SNAP25: variants seen among roughly 807,000 people sequenced by gnomAD.
SNAP25 encodes synaptosomal-associated protein 25.
In SNAP25, 3 loss-of-function variants were observed where a neutral mutation model predicts 28.7. The ratio of observed to expected loss-of-function variants is 0.10; its 90% CI spans 0.05 to 0.27. The LOEUF is 0.27. Ranked by LOEUF, SNAP25 falls within the 10% of genes least tolerant of loss-of-function variation. The probability of loss-of-function intolerance (pLI) is 1.00; values close to 1 mark genes in which losing one functional copy is unlikely to be tolerated. For missense variants in SNAP25, 117 were observed against 278.7 expected, an observed-to-expected ratio of 0.42 and a Z score of 4.13; for synonymous variants, 61 against 88.1, an observed-to-expected ratio of 0.69 and a Z score of 1.72.
chr20:10,237,507 C>G (rs363031), intron 1 of SNAP25, among the ~76,000 whole-genome samples: 135,565 of 152,146 alleles, frequency 0.89, 60,451 homozygotes, highest in Middle Eastern at 0.95. Context: ...AGAATTTTGC[C>G]AACTGTTATC....
intron 5 of SNAP25, among the ~76,000 whole-genome samples, chr20:10,295,717 A>G (rs990910145): frequency 2.6e-5 from 4 of 152,224 alleles, no homozygotes; most frequent in African/African-American, 9.7e-5. Context: ...GGGACCAAAG[A>G]ATGTCTCTTG....
At chr20:10,225,829 A>G (rs951539082) in intron 1 of SNAP25, among the ~76,000 whole-genome samples, 1 of 152,238 alleles carries the variant, frequency 6.6e-6, no homozygotes, top group South Asian at 2.1e-4. Context: ...TTGAGAGATG[A>G]CTTTCCATGC....
chr20:10,249,577 T>A (rs1317535850), intron 1 of SNAP25, among the ~76,000 whole-genome samples: 1 of 151,952 alleles, frequency 6.6e-6, no homozygotes, highest in Non-Finnish European at 1.5e-5. Context: ...CTAGATGGAG[T>A]GTAGCTTTTG....
chr20:10,270,790 A>T (rs763598476), intron 1 of SNAP25, among the ~76,000 whole-genome samples: 6 of 152,066 alleles, frequency 3.9e-5, no homozygotes, highest in Non-Finnish European at 8.8e-5. Context: ...CCAGCAATCC[A>T]TTTTAACAAG....
At chr20:10,250,051 T>A (rs186690568) in intron 1 of SNAP25, among the ~76,000 whole-genome samples, 30 of 152,304 alleles carry the variant, frequency 2.0e-4, no homozygotes, top group African/African-American at 6.7e-4. Context: ...TGCTGCTGCC[T>A]GTCCTGGACC....
At chr20:10,254,036 G>A (rs2122831676) in intron 1 of SNAP25, among the ~76,000 whole-genome samples, 1 of 152,320 alleles carries the variant, frequency 6.6e-6, no homozygotes, top group South Asian at 2.1e-4. Flanking sequence ...GCATTGCTCA[G>A]CCTGAGCTAC....
chr20:10,299,311 G>C lies in SNAP25; in HGVS notation c.451G>C (p.Glu151Gln). ...ARENEMDENL[E>Q]QVSGIIGNLR... ...AGAAAATGAAATGGATGAAAACCTAGAGCAGGTGAGCGGCATCATCGGGAA... is the reference window on the plus strand; with the variant it reads ...AGAAAATGAAATGGATGAAAACCTACAGCAGGTGAGCGGCATCATCGGGAA... The change falls in exon 7 of 8, where the codon GAG becomes CAG. Residue 151 changes from glutamate (E) to glutamine (Q), a missense_variant. Glu to Gln is a conservative substitution (Grantham distance 29, BLOSUM62 2). This residue lies in a region of SNAP25 where 88 missense variants were observed against 206.9 expected (regional missense o/e 0.43). Coordinates refer to ENST00000254976, the MANE Select transcript of SNAP25 (RefSeq NM_130811.4). 1.2e-6 allele frequency: 2 copies of C among 1,614,060 alleles called. No individual in the cohort carries two copies. The highest frequency in any genetic ancestry group is 1.7e-6 in the Non-Finnish European group (2 of 1,180,004).
chr20:10,275,116 T>TAA (rs2063668105), intron 1 of SNAP25, among the ~76,000 whole-genome samples: 2 of 125,044 alleles, frequency 1.6e-5, no homozygotes, highest in Admixed American at 8.0e-5. Context: ...TAAATAAATG[T>TAA]GATGATAAAA....
At chr20:10,275,913 GC>G (rs2063684079) in intron 2 of SNAP25, among the ~76,000 whole-genome samples, 2 of 152,184 alleles carry the variant, frequency 1.3e-5, no homozygotes, top group South Asian at 4.1e-4. Flanking sequence ...AACTTTGCAA[GC>G]TGGTTGCTAA....
chr20:10,299,508 C>A, intron 7 of SNAP25, 96 bp downstream of exon 7: 1 of 1,284,388 alleles, frequency 7.8e-7, no homozygotes, highest in Non-Finnish European at 1.0e-6. Flanking sequence ...CAAAACACGA[C>A]CTTGGATTCA....
At chr20:10,248,603 A>G (rs1042309232) in intron 1 of SNAP25, among the ~76,000 whole-genome samples, 1 of 152,170 alleles carries the variant, frequency 6.6e-6, no homozygotes, top group Non-Finnish European at 1.5e-5. Context: ...CCCCACAACA[A>G]CGATCATTTT....
intron 1 of SNAP25, among the ~76,000 whole-genome samples, chr20:10,231,076 AAGTGTCCCC>A (rs1350982331): frequency 6.6e-6 from 1 of 151,984 alleles, no homozygotes; most frequent in Non-Finnish European, 1.5e-5. Context: ...AAATAGGAAA[AAGTGTCCCC>A]AGTGCAAAGG....
At chr20:10,299,859 A>T (rs926018300) in intron 7 of SNAP25, among the ~76,000 whole-genome samples, 1 of 152,236 alleles carries the variant, frequency 6.6e-6, no homozygotes, top group African/African-American at 2.4e-5. Flanking sequence ...TCTCAGAATA[A>T]GTTGACTTTG....
At position 10,251,650 on chromosome 20, in the gene SNAP25, G is replaced by A. The variant is rs567589827; in HGVS notation, c.-63-23779G>A. On this transcript the variant is annotated intron_variant, in intron 1 of 7. Transcript: ENST00000254976. The stretch of plus-strand genomic sequence containing the variant: ...AAGGAACACATAAATCTATTTGAAT[G>A]GAGCCATGTTTGCCCTTGTGATTAA... Among the ~76,000 whole-genome samples the A allele has an allele frequency of 2.6e-5, 4 of 152,274 alleles. No homozygotes were observed. In the South Asian group the frequency reaches 8.3e-4, roughly 32 times the overall value.
chr20:10,305,991 C>G (rs2064349894), intron 7 of SNAP25, 138 bp from the exon 8 acceptor site: 1 of 657,236 alleles, frequency 1.5e-6, no homozygotes. Context: ...TCTGGGAAGA[C>G]AAAAGAAAGG....
rs2064049123 is a variant in SNAP25, at chr20:10,293,811, A to AT, written c.281+533_281+534insT. ...TTTTGTCAATAGATGCTGCCACTGC[A>AT]CCCAACACAGAGGCAATGAGCTCTT... On this transcript the variant is annotated intron_variant, in intron 5 of 7. Coordinates refer to ENST00000254976, the MANE Select transcript of SNAP25 (RefSeq NM_130811.4). The surrounding 1 kb of genome is among the most constrained non-coding windows in gnomAD (Gnocchi z 5.6). Among the ~76,000 whole-genome samples the AT allele has an allele frequency of 6.6e-6, 1 of 152,170 alleles. No homozygotes were observed. The highest frequency in any genetic ancestry group is 6.5e-5 in the Admixed American group (1 of 15,278).
At chr20:10,245,592 G>T (rs529837965) in intron 1 of SNAP25, among the ~76,000 whole-genome samples, 1 of 152,150 alleles carries the variant, frequency 6.6e-6, no homozygotes, top group African/African-American at 2.4e-5. Flanking sequence ...TCAAAGTATC[G>T]CATTTACAGT....
intron 1 of SNAP25, among the ~76,000 whole-genome samples, chr20:10,256,045 G>T (rs147062336): frequency 1.3e-5 from 2 of 152,354 alleles, no homozygotes; most frequent in East Asian, 3.9e-4. Flanking sequence ...TACTGGCAAA[G>T]CTACAAGCTG....
At chr20:10,278,204 A>T (rs2063723895) in intron 3 of SNAP25, 1 of 152,372 alleles carries the variant, frequency 6.6e-6, no homozygotes, top group Non-Finnish European at 1.5e-5. Flanking sequence ...TTCTATTTAA[A>T]GTCAAGCACT....
Sources: gnomAD v4.1 joint callset for allele counts (sites outside exome capture counted in the v4.1 genomes callset) on GRCh38, gnomAD v4.1.1 for gene constraint, gnomAD v4.1.1 regional missense constraint, Gnocchi (gnomAD v3.1) non-coding constraint, MANE v1.5 for transcripts, NCBI Gene and HGNC (gene_info 2026-07-23, HGNC 2026-07-21) for gene names.